ST7: variants seen among roughly 807,000 people sequenced by gnomAD.
The protein encoded by ST7 is suppression of tumorigenicity 7, also known as suppressor of tumorigenicity 7 protein.
A neutral mutation model predicts 78.7 loss-of-function variants in ST7; 28 were observed. The observed-to-expected ratio is 0.36, with a 90% confidence interval of 0.26 to 0.49. The LOEUF is 0.49. Among genes scored for constraint, ST7 ranks in the 20% least tolerant of loss-of-function variants. The probability of loss-of-function intolerance (pLI) is 0.99; values close to 1 mark genes in which losing one functional copy is unlikely to be tolerated. For synonymous variants in ST7, 247 were observed against 249.6 expected, an observed-to-expected ratio of 0.99 and a Z score of 0.10; for missense variants, 418 against 696.0, an observed-to-expected ratio of 0.60 and a Z score of 4.49.
chr7:116,961,761 T>C (rs530964706), intron 1 of ST7, among the ~76,000 whole-genome samples: 1 of 152,120 alleles, frequency 6.6e-6, no homozygotes, highest in Admixed American at 6.5e-5. Context: ...TATGGGGTTT[T>C]CTTTCTTTTT....
chr7:117,027,475 A>AAGTAAAGTAAAGTAAAGTAAAGTAG (rs1444064400), intron 1 of ST7, among the ~76,000 whole-genome samples: 1 of 151,626 alleles, frequency 6.6e-6, no homozygotes, highest in Non-Finnish European at 1.5e-5. Context: ...AAGTAAAGTA[A>AAGTAAAGTAAAGTAAAGTAAAGTAG]AGTAAAGTAA....
At chr7:117,098,016 A>G (rs1270510322) in intron 1 of ST7, among the ~76,000 whole-genome samples, 1 of 144,674 alleles carries the variant, frequency 6.9e-6, no homozygotes, top group African/African-American at 2.6e-5. Context: ...GCCTTCTTCT[A>G]CCTTCCCGGA....
intron 1 of ST7, among the ~76,000 whole-genome samples, chr7:116,966,980 A>G (rs1252623806): frequency 6.6e-6 from 1 of 152,182 alleles, no homozygotes; most frequent in Non-Finnish European, 1.5e-5. Flanking sequence ...AAAATTTTCA[A>G]ATCAATAAAA....
Position 117,229,912 on chromosome 7 carries a change from C to A in ST7, c.*55C>A. 2 of 1,443,336 alleles carry A rather than the reference C, an allele frequency of 1.4e-6. No homozygotes were observed. Among genetic ancestry groups the A allele is most frequent in the Non-Finnish European group, 2.0e-6 (2 of 1,024,118 alleles). 89.4% of individuals were successfully genotyped at this position (1,443,336 alleles called of 1,614,324 possible). A position where few individuals can be genotyped will look rare whatever the true frequency, so the allele number is the denominator to read the frequency against. On this transcript the variant is annotated 3_prime_UTR_variant, in exon 16 of 16. Coordinates refer to ENST00000323984, the MANE Select transcript of ST7 (RefSeq NM_001369598.1). The stretch of plus-strand genomic sequence containing the variant: ...CGCCGCTGCCACCATCTCCTCTGTG[C>A]CAACTCCTTGTGGACCGCAAGAAAG...
At chr7:116,968,460 A>T (rs1793254357) in intron 1 of ST7, 2 of 452,416 alleles carry the variant, frequency 4.4e-6, no homozygotes, top group African/African-American at 4.0e-5. Context: ...CTTCTGCCTC[A>T]ACCTTCTGAT....
intron 1 of ST7, among the ~76,000 whole-genome samples, chr7:117,086,114 C>T (rs1024918236): frequency 4.8e-4 from 72 of 150,976 alleles, no homozygotes; most frequent in African/African-American, 1.7e-3. Flanking sequence ...TGGTTTCTTT[C>T]TTTTTTTTGT....
chr7:116,983,721 A>C (rs1794065284), intron 1 of ST7, among the ~76,000 whole-genome samples: 1 of 152,040 alleles, frequency 6.6e-6, no homozygotes, highest in Non-Finnish European at 1.5e-5. Flanking sequence ...GTCTTCACCC[A>C]AGCATAGATA....
At chr7:117,028,823 A>G (rs956124149) in intron 1 of ST7, among the ~76,000 whole-genome samples, 1 of 152,154 alleles carries the variant, frequency 6.6e-6, no homozygotes, top group Non-Finnish European at 1.5e-5. Context: ...TAGCTCTGGC[A>G]TATACTATCA....
At chr7:116,961,555 C>CGTGTGTGTGTGTGTGTGTGTGT (rs35640208) in intron 1 of ST7, among the ~76,000 whole-genome samples, 3 of 138,432 alleles carry the variant, frequency 2.2e-5, no homozygotes, top group African/African-American at 8.1e-5. Flanking sequence ...TGTATTCCTA[C>CGTGTGTGTGTGTGTGTGTGTGT]GTGTGTGTGT....
At chr7:116,997,061 G>T (rs982069100) in intron 1 of ST7, among the ~76,000 whole-genome samples, 1 of 152,148 alleles carries the variant, frequency 6.6e-6, no homozygotes, top group Non-Finnish European at 1.5e-5. Flanking sequence ...AAGGTGGCGT[G>T]TCCAGAGTTT....
At chr7:117,223,207 C>T (rs1283885292) in intron 15 of ST7, 1 of 555,448 alleles carries the variant, frequency 1.8e-6, no homozygotes, top group South Asian at 2.1e-5. Context: ...CCTCCTTTTC[C>T]CAAAGCATCC....
At chr7:117,159,708 T>G (rs1168317024) in intron 9 of ST7, among the ~76,000 whole-genome samples, 1 of 152,144 alleles carries the variant, frequency 6.6e-6, no homozygotes, top group Non-Finnish European at 1.5e-5. Context: ...TATGTTCTAT[T>G]GTGCAACTAA....
chr7:116,967,462 T>C, intron 1 of ST7: 1 of 469,018 alleles, frequency 2.1e-6, no homozygotes, highest in South Asian at 1.6e-5. Flanking sequence ...CAGGTCAGTG[T>C]CCCAGAGGCA....
chr7:117,002,813 C>CT (rs397970060), intron 1 of ST7, among the ~76,000 whole-genome samples: 33,590 of 71,994 alleles, frequency 0.47, 11,191 homozygotes, highest in East Asian at 0.73. Context: ...ATTTTTTTTC[C>CT]TTTTTTTTTT....
intron 9 of ST7, among the ~76,000 whole-genome samples, chr7:117,155,739 AG>A (rs1806641717): frequency 6.6e-6 from 1 of 152,212 alleles, no homozygotes; most frequent in Non-Finnish European, 1.5e-5. Context: ...AGCATATGTA[AG>A]ATAATGTTAC....
chr7:117,144,138 A>G (rs1584462129), intron 9 of ST7: 1 of 152,340 alleles, frequency 6.6e-6, no homozygotes, highest in African/African-American at 2.4e-5. Context: ...AAATAAGAAG[A>G]GTGACATTGC....
intron 2 of ST7, chr7:117,112,512 C>T (rs1325884432): frequency 6.6e-6 from 1 of 152,182 alleles, no homozygotes; most frequent in Non-Finnish European, 1.5e-5. Flanking sequence ...TCTCTCTGAC[C>T]TTGCCTTCCA....
chr7:117,156,238 G>A (rs560988683), intron 9 of ST7, among the ~76,000 whole-genome samples: 2 of 152,276 alleles, frequency 1.3e-5, no homozygotes, highest in East Asian at 3.9e-4. Context: ...AATAGTGCCT[G>A]ATACACAGTA....
chr7:117,134,141 A>G lies in ST7; in HGVS notation c.659A>G (p.Glu220Gly). The change falls in exon 7 of 16, where the codon GAA (glutamate) becomes GGA (glycine). Residue 220 changes from glutamate (E) to glycine (G), a missense_variant. Coordinates refer to ENST00000323984, the MANE Select transcript of ST7 (RefSeq NM_001369598.1). ...TTGGTCAGAATTAGGTCCAGAGTTG[A>G]AGTTCCCCTAATTGCTTCCTCTACC... ...LEINEIRSRV[E>G]VPLIASSTIW... 1 of 1,611,922 alleles carries G rather than the reference A, an allele frequency of 6.2e-7. No individual in the cohort carries two copies. The highest frequency in any genetic ancestry group is 8.5e-7 in the Non-Finnish European group (1 of 1,178,736).
Sources: allele counts gnomAD v4.1 joint callset (sites outside exome capture counted in the v4.1 genomes callset), GRCh38; gene constraint gnomAD v4.1.1; transcripts MANE v1.5; gene names NCBI Gene and HGNC (gene_info 2026-07-23, HGNC 2026-07-21).